The following C4orf17 variants were observed in gnomAD, a reference collection of about 807,000 sequenced individuals.
C4orf17 encodes the protein uncharacterized protein C4orf17.
A neutral mutation model predicts 32.0 loss-of-function variants in C4orf17; 25 were observed. That is an observed-to-expected ratio of 0.78 (90% CI 0.57 to 1.09). The LOEUF (loss-of-function observed/expected upper bound fraction) is 1.09, where lower values mean the gene tolerates loss of function less well. Among genes scored for constraint, C4orf17 ranks in the 50% least tolerant of loss-of-function variants. The probability of loss-of-function intolerance (pLI) is 0.00; values close to 1 mark genes in which losing one functional copy is unlikely to be tolerated. For missense variants in C4orf17, 420 were observed against 420.0 expected (o/e 1.00, Z 0.00); for synonymous variants, 149 against 145.8 (o/e 1.02, Z -0.16).
At chr4:99,536,500 A>G (rs1723564826) in intron 5 of C4orf17, among the ~76,000 whole-genome samples, 1 of 152,192 alleles carries the variant, frequency 6.6e-6, no homozygotes, top group South Asian at 2.1e-4. Flanking sequence ...CAGTCTGGGC[A>G]TGATCTGGCA....
intron 4 of C4orf17, among the ~76,000 whole-genome samples, chr4:99,527,236 T>A (rs1476920133): frequency 2.6e-5 from 4 of 152,232 alleles, no homozygotes; most frequent in African/African-American, 9.6e-5. Context: ...AATTCCAATT[T>A]AATCCCATTG....
chr4:99,537,008 C>T lies in C4orf17; in HGVS notation c.547-661C>T, dbSNP rs567203309. Among the ~76,000 whole-genome samples, 83 of 152,086 alleles carry T rather than the reference C, an allele frequency of 5.5e-4. 2 individuals carry two copies. In the South Asian group the frequency reaches 0.017, roughly 32 times the overall value. ...CAGGTCATAGGGTAAATACTAGGGA[C>T]AATAGAGGCTTCCCCAGTTGTCTGT... On this transcript the variant is annotated intron_variant, in intron 5 of 8. Transcript: ENST00000326581.
rs756612980 is a variant in C4orf17, at chr4:99,541,951, A to G, written c.922A>G (p.Met308Val). The G allele has an allele frequency of 1.9e-6, 3 of 1,613,950 alleles. No individual in the cohort carries two copies. The Admixed American group carries it at 5.0e-5, about 27-fold the overall frequency. The change falls in exon 9 of 9, where the codon ATG becomes GTG. Residue 308 changes from methionine (M) to valine (V), a missense_variant. By Grantham distance (21) the Met-to-Val change is conservative. Coordinates refer to ENST00000326581, the MANE Select transcript of C4orf17 (RefSeq NM_032149.3). ...TCCACTACTTATAAGAAGAAATAATATGAAAATACCTGTTGCAGAATATTT... is the reference window on the plus strand; with the variant it reads ...TCCACTACTTATAAGAAGAAATAATGTGAAAATACCTGTTGCAGAATATTT... The part of the protein sequence containing the change: ...KPPLLIRRNN[M>V]KIPVAEYFSK...
Position 99,513,501 on chromosome 4 carries a change from G to A in C4orf17, c.127+293G>A, listed in dbSNP as rs527460642. ...CAGGAAAATGGGGACCACTCAGGGA[G>A]CTCAGGGCAGGCTTGACCAATTGAT... On this transcript the variant is annotated intron_variant, in intron 2 of 8. Transcript: ENST00000326581. Among the ~76,000 whole-genome samples, 4 of 152,316 alleles carry A rather than the reference G, an allele frequency of 2.6e-5. No homozygotes were observed. In the South Asian group the frequency reaches 8.3e-4, roughly 32 times the overall value.
intron 2 of C4orf17, among the ~76,000 whole-genome samples, chr4:99,521,471 C>T (rs1723286651): frequency 6.6e-6 from 1 of 151,936 alleles, no homozygotes; most frequent in South Asian, 2.1e-4. Context: ...TAATGCAGCT[C>T]AGAGAAGCAG....
chr4:99,524,727 A>T (rs1723358270), intron 4 of C4orf17, 142 bp downstream of exon 4: 1 of 550,136 alleles, frequency 1.8e-6, no homozygotes, highest in South Asian at 2.7e-5. Flanking sequence ...ATAATATAAG[A>T]TACACATATT....
At chr4:99,511,767 G>A (rs984962124) in intron 1 of C4orf17, among the ~76,000 whole-genome samples, 7 of 152,118 alleles carry the variant, frequency 4.6e-5, no homozygotes, top group Non-Finnish European at 8.8e-5. Flanking sequence ...GAATGAGTAA[G>A]TCTAAAGTGT....
chr4:99,522,052 A>T (rs543133857), intron 2 of C4orf17, among the ~76,000 whole-genome samples: 1 of 152,326 alleles, frequency 6.6e-6, no homozygotes, highest in African/African-American at 2.4e-5. Flanking sequence ...ACAAAAGAGG[A>T]ACCACTGTAT....
intron 4 of C4orf17, among the ~76,000 whole-genome samples, chr4:99,528,285 T>C (rs1220605129): frequency 6.6e-6 from 1 of 152,200 alleles, no homozygotes; most frequent in Non-Finnish European, 1.5e-5. Flanking sequence ...GGAATTGATG[T>C]TCATGATTTT....
At chr4:99,518,938 T>G (rs886570079) in intron 2 of C4orf17, among the ~76,000 whole-genome samples, 2 of 152,172 alleles carry the variant, frequency 1.3e-5, no homozygotes, top group Non-Finnish European at 2.9e-5. Context: ...TTTCTTATGG[T>G]ATTTTTTCAT....
At chr4:99,529,376 G>T (rs1723440376) in intron 4 of C4orf17, among the ~76,000 whole-genome samples, 1 of 152,164 alleles carries the variant, frequency 6.6e-6, no homozygotes, top group Non-Finnish European at 1.5e-5. Flanking sequence ...CTAACTCTCA[G>T]CTGTTAGCTG....
chr4:99,531,630 C>T (rs116298720), intron 5 of C4orf17, among the ~76,000 whole-genome samples: 2,669 of 152,196 alleles, frequency 0.018, 51 homozygotes, highest in Non-Finnish European at 0.026. Context: ...TCTTGTCTGC[C>T]TTGTTCACAA....
intron 8 of C4orf17, chr4:99,541,640 T>G (rs1372885664): frequency 2.8e-6 from 1 of 358,556 alleles, no homozygotes; most frequent in East Asian, 7.2e-5. Context: ...ACTGTCACTC[T>G]TACCCATAAA....
intron 5 of C4orf17, among the ~76,000 whole-genome samples, chr4:99,530,730 T>C (rs1201646575): frequency 6.6e-6 from 1 of 152,104 alleles, no homozygotes; most frequent in Non-Finnish European, 1.5e-5. Flanking sequence ...ATTTTAAAAG[T>C]AGAGCACAGA....
At chr4:99,519,812 G>A (rs1040348132) in intron 2 of C4orf17, among the ~76,000 whole-genome samples, 6 of 152,176 alleles carry the variant, frequency 3.9e-5, no homozygotes, top group African/African-American at 1.4e-4. Context: ...AGGGCAGAGA[G>A]AGGAGAAGAG....
At chr4:99,524,452 A>C (rs1723352503) in intron 3 of C4orf17, 69 bp from the exon 4 acceptor site, 1 of 888,084 alleles carries the variant, frequency 1.1e-6, no homozygotes. Flanking sequence ...AGCAATTGAC[A>C]CATATATCAT....
intron 2 of C4orf17, among the ~76,000 whole-genome samples, chr4:99,521,339 C>A (rs1404076349): frequency 6.6e-6 from 1 of 151,590 alleles, no homozygotes; most frequent in Admixed American, 6.6e-5. Flanking sequence ...TGCACCATTG[C>A]ACTCCAGCCT....
At position 99,518,544 on chromosome 4, in the gene C4orf17, TAGAGAGAGAG is replaced by T. The variant is rs70958313; in HGVS notation, c.128-3925_128-3916del. Among the ~76,000 whole-genome samples the T allele has an allele frequency of 0.012, 439 of 36,792 alleles. 41 individuals carry two copies. The East Asian group carries it at 0.25, about 21-fold the overall frequency. The allele number at this position is 36,792 out of a possible 152,430, so 24.1% of individuals were successfully genotyped here. ...ATATATATATATATATATATATATA[TAGAGAGAGAG>T]AGAGAGAGAGAGAGAGAGAGAGAGA... On this transcript the variant is annotated intron_variant, in intron 2 of 8. Coordinates refer to ENST00000326581, the MANE Select transcript of C4orf17 (RefSeq NM_032149.3).
chr4:99,540,509 C>T, intron 8 of C4orf17, 54 bp downstream of exon 8: 1 of 1,145,794 alleles, frequency 8.7e-7, no homozygotes, highest in South Asian at 1.3e-5. Flanking sequence ...CCAGTAAGTA[C>T]TAATGACTCA....
Sources: gnomAD v4.1 joint callset for allele counts (sites outside exome capture counted in the v4.1 genomes callset) on GRCh38, gnomAD v4.1.1 for gene constraint, MANE v1.5 for transcripts, NCBI Gene and HGNC (gene_info 2026-07-23, HGNC 2026-07-21) for gene names.